The following PCDH11X variants were observed in gnomAD, a reference collection of about 807,000 sequenced individuals.
The protein encoded by PCDH11X is protocadherin 11 X-linked, also known as protocadherin-11 X-linked.
In PCDH11X, 18 loss-of-function variants were observed where a neutral mutation model predicts 53.3. The observed-to-expected ratio is 0.34, with a 90% CI of 0.23 to 0.50. The LOEUF (loss-of-function observed/expected upper bound fraction) is 0.50. PCDH11X is among the 20% of genes least tolerant of loss of function. The pLI is 0.98. For synonymous variants in PCDH11X, 279 were observed against 393.3 expected (o/e 0.71, Z 3.44); for missense variants, 570 against 1,032.4 (o/e 0.55, Z 6.14).
intron 4 of PCDH11X, among the ~76,000 whole-genome samples, chrX:91,834,110 G>A (rs1258301721): frequency 1.8e-5 from 2 of 110,838 alleles, no homozygotes; most frequent in African/African-American, 6.5e-5. Flanking sequence ...AGCTCAGTGT[G>A]ATACAAATTT....
At chrX:92,343,282 G>T (rs1326612496) in intron 8 of PCDH11X, among the ~76,000 whole-genome samples, 1 of 111,482 alleles carries the variant, frequency 9.0e-6, no homozygotes, top group Non-Finnish European at 1.9e-5. Flanking sequence ...CAAATCAATT[G>T]AAGAATATTG....
intron 8 of PCDH11X, among the ~76,000 whole-genome samples, chrX:92,368,937 C>A (rs768800541): frequency 9.3e-6 from 1 of 107,476 alleles, no homozygotes; most frequent in African/African-American, 3.4e-5. Flanking sequence ...GTCTGTCAAC[C>A]CCTATTGGGA....
chrX:92,462,626 C>T (rs1250725137), intron 9 of PCDH11X, among the ~76,000 whole-genome samples: 3 of 110,143 alleles, frequency 2.7e-5, no homozygotes, highest in African/African-American at 1.0e-4. Context: ...TTGGGAATTT[C>T]TCATCGTCAT....
chrX:92,397,529 G>A lies in PCDH11X; in HGVS notation c.3343+9596G>A, dbSNP rs758980844. ...GTCACCCAGGCTGTAGTGCAGTGGCGTGATCTCAGCTCACTGCAACCTGGG... is the reference window on the plus strand; with the variant it reads ...GTCACCCAGGCTGTAGTGCAGTGGCATGATCTCAGCTCACTGCAACCTGGG... On this transcript the variant is annotated intron_variant, in intron 9 of 10. Coordinates refer to ENST00000682573, the MANE Select transcript of PCDH11X (RefSeq NM_032968.5). 1.7e-3 allele frequency among the ~76,000 whole-genome samples: 187 copies of A among 108,202 alleles called. 1 individual carries two copies. The highest frequency in any genetic ancestry group is 0.014 in the Middle Eastern group (3 of 208). 94.0% of individuals were successfully genotyped at this position (108,202 alleles called of 115,157 possible). A position where few individuals can be genotyped will look rare whatever the true frequency, so the allele number is the denominator to read the frequency against.
chrX:92,611,334 A>C (rs1205914892), intron 10 of PCDH11X, among the ~76,000 whole-genome samples: 1 of 106,479 alleles, frequency 9.4e-6, no homozygotes, highest in Non-Finnish European at 1.9e-5. Flanking sequence ...GGTTAGATTT[A>C]TTCCTAGCTT....
At chrX:92,378,601 T>C (rs2070802579) in intron 8 of PCDH11X, among the ~76,000 whole-genome samples, 1 of 111,312 alleles carries the variant, frequency 9.0e-6, no homozygotes, top group South Asian at 3.8e-4. Context: ...ATAAACAACA[T>C]AAATTTATTT....
intron 4 of PCDH11X, among the ~76,000 whole-genome samples, chrX:91,826,584 A>AT (rs748523071): frequency 4.3e-4 from 29 of 67,497 alleles, no homozygotes; most frequent in South Asian, 1.8e-3. Context: ...CTAGTATGCA[A>AT]TTTTTTTTTT....
At chrX:92,002,597 T>A (rs2062529245) in intron 6 of PCDH11X, among the ~76,000 whole-genome samples, 1 of 110,366 alleles carries the variant, frequency 9.1e-6, no homozygotes, top group Non-Finnish European at 1.9e-5. Context: ...CATAGTTTTA[T>A]CATAGAGGCC....
intron 6 of PCDH11X, among the ~76,000 whole-genome samples, chrX:91,914,551 G>T (rs1329505331): frequency 9.0e-6 from 1 of 111,050 alleles, no homozygotes; most frequent in Admixed American, 9.5e-5. Context: ...ATATCACAAA[G>T]AAAATACAAT....
In PCDH11X at chrX:92,573,574, C is replaced by A. The variant is rs529056923; in HGVS notation, c.3368-44690C>A. Among the ~76,000 whole-genome samples the A allele has an allele frequency of 8.6e-4, 94 of 109,903 alleles. No individual in the cohort carries two copies. In the South Asian group the frequency reaches 9.9e-3, roughly 12 times the overall value. ...TCTTTACTTATGTTTGTAAAGAAATCAAAAAGCTATTTTAACCAAAAATCT... is the reference window on the plus strand; with the variant it reads ...TCTTTACTTATGTTTGTAAAGAAATAAAAAAGCTATTTTAACCAAAAATCT... On this transcript the variant is annotated intron_variant, in intron 10 of 10. Coordinates refer to ENST00000682573, the MANE Select transcript of PCDH11X (RefSeq NM_032968.5).
chrX:92,390,156 A>C (rs187325045), intron 9 of PCDH11X, among the ~76,000 whole-genome samples: 114 of 110,610 alleles, frequency 1.0e-3, no homozygotes, highest in Non-Finnish European at 1.7e-3. Flanking sequence ...TGAATGTTTA[A>C]ATGTTATTTT....
intron 6 of PCDH11X, among the ~76,000 whole-genome samples, chrX:91,886,746 A>T (rs1454671098): frequency 2.5e-4 from 27 of 109,366 alleles, no homozygotes; most frequent in Admixed American, 3.9e-4. Flanking sequence ...CCAAGGCGGG[A>T]GGATCACAAG....
intron 6 of PCDH11X, among the ~76,000 whole-genome samples, chrX:91,920,798 A>C (rs1941714870): frequency 9.1e-6 from 1 of 110,443 alleles, no homozygotes; most frequent in Admixed American, 9.6e-5. Context: ...GTATGTTCAT[A>C]ATTTGAGAAA....
intron 8 of PCDH11X, among the ~76,000 whole-genome samples, chrX:92,326,210 T>C (rs774314583): frequency 9.1e-6 from 1 of 109,436 alleles, no homozygotes; most frequent in East Asian, 3.0e-4. Flanking sequence ...TCTGTTCATG[T>C]AGATTTCTGG....
intron 5 of PCDH11X, among the ~76,000 whole-genome samples, chrX:91,867,559 A>C (rs926837000): frequency 1.8e-5 from 2 of 108,437 alleles, no homozygotes; most frequent in African/African-American, 6.8e-5. Flanking sequence ...CCCCTAAATT[A>C]AAGCAGGAAA....
At chrX:91,845,327 C>T (rs1360951284) in intron 5 of PCDH11X, among the ~76,000 whole-genome samples, 1 of 108,801 alleles carries the variant, frequency 9.2e-6, no homozygotes, top group Non-Finnish European at 1.9e-5. Flanking sequence ...TTTAACAGAT[C>T]CTGTGTGTTT....
At chrX:92,366,526 T>C (rs2070477676) in intron 8 of PCDH11X, among the ~76,000 whole-genome samples, 1 of 102,460 alleles carries the variant, frequency 9.8e-6, no homozygotes, top group African/African-American at 3.6e-5. Flanking sequence ...TTTCTTGTCT[T>C]CTGCTAGCTT....
chrX:92,282,249 T>C (rs2068266459), intron 8 of PCDH11X, among the ~76,000 whole-genome samples: 1 of 111,974 alleles, frequency 8.9e-6, no homozygotes, highest in African/African-American at 3.2e-5. Context: ...TAGATATTTA[T>C]TTTTGACTTT....
intron 6 of PCDH11X, among the ~76,000 whole-genome samples, chrX:92,170,320 A>G (rs756694115): frequency 2.3e-4 from 25 of 110,804 alleles, no homozygotes; most frequent in African/African-American, 7.8e-4. Context: ...CTGGCCAAAC[A>G]GTATTATATA....
Sources: allele counts gnomAD v4.1 joint callset (sites outside exome capture counted in the v4.1 genomes callset), GRCh38; gene constraint gnomAD v4.1.1; transcripts MANE v1.5; gene names NCBI Gene and HGNC (gene_info 2026-07-23, HGNC 2026-07-21).